Variants in GPHN observed in about 807,000 individuals in gnomAD.
The protein encoded by GPHN is gephyrin.
A neutral mutation model predicts 95.5 loss-of-function variants in GPHN; 17 were observed. The observed-to-expected ratio is 0.18, with a 90% CI of 0.12 to 0.27. The LOEUF is 0.27. GPHN is among the 10% of genes least tolerant of loss of function. The probability of loss-of-function intolerance (pLI) is 1.00; values close to 1 mark genes in which losing one functional copy is unlikely to be tolerated. For missense variants in GPHN, 660 were observed against 978.1 expected (o/e 0.67, Z 4.34); for synonymous variants, 320 against 322.5 (o/e 0.99, Z 0.08).
the GPHN span, among the ~76,000 whole-genome samples, chr14:67,332,174 A>G: frequency 6.6e-6 from 1 of 152,188 alleles, no homozygotes; most frequent in African/African-American, 2.4e-5. Flanking sequence ...CATGTGCCTG[A>G]TAATTAGAGG....
At chr14:67,406,297 T>G in the GPHN span, among the ~76,000 whole-genome samples, 1 of 151,696 alleles carries the variant, frequency 6.6e-6, no homozygotes, top group South Asian at 2.1e-4. Flanking sequence ...GGATAATTTG[T>G]TATACAACAA....
chr14:67,515,764 T>C, the GPHN span, among the ~76,000 whole-genome samples: 12 of 152,292 alleles, frequency 7.9e-5, no homozygotes, highest in East Asian at 2.3e-3. Flanking sequence ...GTGGGTACCA[T>C]TGCAGGCCCG....
chr14:67,356,356 G>C, the GPHN span, among the ~76,000 whole-genome samples: 1 of 151,656 alleles, frequency 6.6e-6, no homozygotes, highest in Non-Finnish European at 1.5e-5. Flanking sequence ...GGCAGGCAGA[G>C]GTTGCAGTGA....
the GPHN span, among the ~76,000 whole-genome samples, chr14:67,456,315 T>C: frequency 3.7e-4 from 57 of 152,114 alleles, no homozygotes; most frequent in Non-Finnish European, 7.4e-4. Flanking sequence ...AGTCAAAAAA[T>C]AAGGCCAGGC....
chr14:66,818,828 G>C (rs146475195), intron 3 of GPHN, among the ~76,000 whole-genome samples: 1 of 151,976 alleles, frequency 6.6e-6, no homozygotes, highest in Non-Finnish European at 1.5e-5. Flanking sequence ...GTTTTGATTT[G>C]CATTTTGCTA....
chr14:67,553,707 C>CATA, the GPHN span, among the ~76,000 whole-genome samples: 15 of 152,356 alleles, frequency 9.8e-5, no homozygotes, highest in East Asian at 2.9e-3. Context: ...CCCCTATAAA[C>CATA]ATAATATTGA....
At chr14:67,344,024 A>G in the GPHN span, among the ~76,000 whole-genome samples, 1 of 152,178 alleles carries the variant, frequency 6.6e-6, no homozygotes, top group Non-Finnish European at 1.5e-5. Flanking sequence ...TGAGTAAGGA[A>G]ATCTTAAGTT....
At chr14:66,869,115 A>C (rs2153526631) in intron 4 of GPHN, among the ~76,000 whole-genome samples, 1 of 152,344 alleles carries the variant, frequency 6.6e-6, no homozygotes, top group African/African-American at 2.4e-5. Context: ...TCTGGTAATC[A>C]AATTAATAAT....
At chr14:66,719,206 C>A (rs753940360) in intron 2 of GPHN, among the ~76,000 whole-genome samples, 1 of 152,192 alleles carries the variant, frequency 6.6e-6, no homozygotes, top group Non-Finnish European at 1.5e-5. Flanking sequence ...ATTTCCTTCT[C>A]CCTGTGGCAT....
At chr14:67,692,664 T>C in the GPHN span, 3,657 of 1,491,354 alleles carry the variant, frequency 2.5e-3, 9 homozygotes, top group Non-Finnish European at 3.0e-3. Flanking sequence ...CTAATGTTAT[T>C]TCCAACATTT....
At chr14:66,553,979 TAGTTTC>T (rs2059918485) in intron 1 of GPHN, among the ~76,000 whole-genome samples, 1 of 152,250 alleles carries the variant, frequency 6.6e-6, no homozygotes, top group African/African-American at 2.4e-5. Flanking sequence ...TTTAACGTGA[TAGTTTC>T]TTTGACTCTA....
chr14:67,085,124 T>C (rs1174518848), intron 11 of GPHN, among the ~76,000 whole-genome samples: 2 of 152,210 alleles, frequency 1.3e-5, no homozygotes, highest in Non-Finnish European at 2.9e-5. Flanking sequence ...CTCAGAAACT[T>C]GAGGGTTATT....
At chr14:66,512,687 A>G (rs1566737512) in intron 1 of GPHN, among the ~76,000 whole-genome samples, 1 of 151,816 alleles carries the variant, frequency 6.6e-6, no homozygotes, top group African/African-American at 2.4e-5. Flanking sequence ...TCAAAATATT[A>G]CAGTAACAGG....
At chr14:67,687,788 T>C in the GPHN span, among the ~76,000 whole-genome samples, 4 of 150,778 alleles carry the variant, frequency 2.7e-5, no homozygotes, top group Admixed American at 2.6e-4. Context: ...TTTTTCATTT[T>C]TTCAGACAGA....
chr14:67,115,009 C>T (rs1001976029), intron 16 of GPHN, among the ~76,000 whole-genome samples: 2 of 152,152 alleles, frequency 1.3e-5, no homozygotes, highest in Admixed American at 6.5e-5. Flanking sequence ...TTGACTAATT[C>T]TACATGACTT....
chr14:66,801,992 C>T (rs1367730200), intron 3 of GPHN, among the ~76,000 whole-genome samples: 1 of 152,170 alleles, frequency 6.6e-6, no homozygotes, highest in African/African-American at 2.4e-5. Context: ...ACTCAAAGTC[C>T]TGCAGCTCTA....
At chr14:67,199,647 C>T in the GPHN span, 2 of 1,576,264 alleles carry the variant, frequency 1.3e-6, no homozygotes, top group Non-Finnish European at 1.7e-6. Flanking sequence ...CGACTTCTGG[C>T]AGCTCAGAAC....
At chr14:66,818,731 T>C (rs959684589) in intron 3 of GPHN, among the ~76,000 whole-genome samples, 1 of 152,184 alleles carries the variant, frequency 6.6e-6, no homozygotes, top group Non-Finnish European at 1.5e-5. Flanking sequence ...AGTGTAAAAG[T>C]GTCCCTTTTT....
the GPHN span, among the ~76,000 whole-genome samples, chr14:67,635,633 C>T: frequency 3.3e-5 from 5 of 152,206 alleles, no homozygotes; most frequent in African/African-American, 1.2e-4. Flanking sequence ...GTGGGTGGAT[C>T]ACCTGAGGTC....
Sources: gnomAD v4.1 joint callset for allele counts (sites outside exome capture counted in the v4.1 genomes callset) on GRCh38, gnomAD v4.1.1 for gene constraint, MANE v1.5 for transcripts, NCBI Gene and HGNC (gene_info 2026-07-23, HGNC 2026-07-21) for gene names.